The following ZNF646 variants were observed in gnomAD, a reference collection of about 807,000 sequenced individuals.
ZNF646 encodes the protein zinc finger protein 646.
Under a neutral mutation model 115.4 loss-of-function variants are expected in ZNF646, and 49 were observed. That is an observed-to-expected ratio of 0.42 (90% CI 0.34 to 0.54). The LOEUF (loss-of-function observed/expected upper bound fraction) is 0.54, where lower values mean the gene tolerates loss of function less well. ZNF646 is among the 20% of genes least tolerant of loss of function. The pLI, the probability that ZNF646 is intolerant of heterozygous loss-of-function variation, is 0.04. For synonymous variants in ZNF646, 933 were observed against 939.0 expected (o/e 0.99, Z 0.12); for missense variants, 2,269 against 2,457.9 (o/e 0.92, Z 1.62).
Position 31,079,756 on chromosome 16 carries a change from G to A in ZNF646, c.3432G>A (p.Pro1144=), listed in dbSNP as rs1284532416. 25 of 1,613,498 alleles carry A rather than the reference G, an allele frequency of 1.5e-5. No individual in the cohort carries two copies. The highest frequency in any genetic ancestry group is 5.5e-5 in the South Asian group (5 of 91,068). ...NKPQHMAEEG[P]GQAEVEKLQE... is the part of the protein sequence containing the mutation. Reference sequence around the variant, plus strand: ...CCCAGCACATGGCAGAGGAGGGGCCGGGGCAAGCAGAAGTCGAGAAGCTCC... The same window carrying A: ...CCCAGCACATGGCAGAGGAGGGGCCAGGGCAAGCAGAAGTCGAGAAGCTCC... The change falls in exon 2 of 3, where the codon CCG becomes CCA. Residue 1144 remains proline (P), a synonymous_variant. Transcript: ENST00000300850. This position sits in a 1 kb window ranked among gnomAD's most constrained non-coding sequence, Gnocchi z 5.5.
rs764114613 is a variant in ZNF646, at chr16:31,081,148, C to G, written c.4824C>G (p.Ala1608=). Residue 1608 remains alanine, a synonymous_variant, in exon 2 of 3, where the codon GCC becomes GCG. Transcript: ENST00000300850. The stretch of plus-strand genomic sequence containing the variant: ...TGGCCAGCCACCTGCAGGCTCATGC[C>G]CGGGGCCACAGCCAGGTGCCAGCCC... ...QELASHLQAH[A]RGHSQVPAQM... 1 of 1,602,426 alleles carries G rather than the reference C, an allele frequency of 6.2e-7. No individual in the cohort carries two copies. Among genetic ancestry groups the G allele is most frequent in the African/African-American group, 1.3e-5 (1 of 74,574 alleles).
In ZNF646 at chr16:31,076,710, A is replaced by G; in HGVS notation, c.386A>G (p.Gln129Arg). ...ACGGTGTCCACTGACTCCTGGGGCC[A>G]AAGGCTTGGCTCTAGTGAAGGCTGG... ...GETVSTDSWG[Q>R]RLGSSEGWEN... The change falls in exon 2 of 3, where the codon CAA becomes CGA. Residue 129 changes from glutamine (Q) to arginine (R), a missense_variant. By Grantham distance (43) the Gln-to-Arg change is conservative. This residue lies in a region of ZNF646 where 334 missense variants were observed against 323.5 expected (regional missense o/e 1.03). Transcript: ENST00000300850. The G allele has an allele frequency of 6.2e-7, 1 of 1,613,674 alleles. No homozygotes were observed. The highest frequency in any genetic ancestry group is 8.5e-7 in the Non-Finnish European group (1 of 1,180,026).
Position 31,081,116 on chromosome 16 carries a change from C to T in ZNF646, c.4792C>T (p.Gln1598Ter). ...PDCGKAFESH[Q>*]ELASHLQAHA... ...CTGTGGCAAAGCCTTTGAGTCCCAC[C>T]AGGAACTGGCCAGCCACCTGCAGGC... The change falls in exon 2 of 3, where the codon CAG becomes TAG. Residue 1598 changes from glutamine to a stop codon, truncating the protein, a stop_gained. Coordinates refer to ENST00000300850, the MANE Select transcript of ZNF646 (RefSeq NM_014699.4). LOFTEE classifies it high-confidence loss of function. 6.2e-7 allele frequency: 1 copy of T among 1,610,972 alleles called. No homozygotes were observed.
At position 31,076,397 on chromosome 16, in the gene ZNF646, C is replaced by G. The variant is rs531331358; in HGVS notation, c.73C>G (p.Arg25Gly). Residue 25 changes from arginine (R) to glycine (G), a missense_variant, in exon 2 of 3, where the codon CGG (arginine) becomes GGG (glycine). Arg to Gly is a moderately radical substitution (Grantham distance 125). Transcript: ENST00000300850. ...CTTTCCCAGCCTCCCAGAGCTCTCT[C>G]GGCACCGAGAACTGCTCCATCCATC... is the stretch of plus-strand genomic sequence containing the variant. ...RHFPSLPELS[R>G]HRELLHPSPN... 6 of 1,613,938 alleles carry G rather than the reference C, an allele frequency of 3.7e-6. No individual in the cohort carries two copies. The highest frequency in any genetic ancestry group is 1.1e-5 in the South Asian group (1 of 91,084).
Position 31,077,224 on chromosome 16 carries a change from C to T in ZNF646, c.900C>T (p.Pro300=). 1 of 1,614,146 alleles carries T rather than the reference C, an allele frequency of 6.2e-7. No individual in the cohort carries two copies. The highest frequency in any genetic ancestry group is 8.5e-7 in the Non-Finnish European group (1 of 1,180,024). ...GGCCTTACCACTGTCCCCACTGCCC[C>T]CGTGTCTTCCGGCTCCCCCGGGAGC... ...QYRPYHCPHC[P]RVFRLPRELL... is the part of the protein sequence containing the mutation. The change falls in exon 2 of 3, where the codon CCC becomes CCT. Residue 300 remains proline (P), a synonymous_variant. Transcript: ENST00000300850.
In ZNF646 at chr16:31,078,372, G is replaced by T; in HGVS notation, c.2048G>T (p.Gly683Val). Reference protein sequence around the residue: ...RHRKRAGGASGGREAKLLAAE... With the variant: ...RHRKRAGGASVGREAKLLAAE... ...CGGAAGCGGGCTGGCGGTGCCAGCG[G>T]TGGGAGAGAAGCCAAACTCCTGGCA... Residue 683 changes from glycine to valine, a missense_variant, in exon 2 of 3, where the codon GGT becomes GTT. Gly to Val is a moderately radical substitution (Grantham distance 109). Coordinates refer to ENST00000300850, the MANE Select transcript of ZNF646 (RefSeq NM_014699.4). The T allele has an allele frequency of 6.2e-7, 1 of 1,612,772 alleles. No individual in the cohort carries two copies. Among genetic ancestry groups the T allele is most frequent in the South Asian group, 1.1e-5 (1 of 91,016 alleles).
intron 2 of ZNF646, chr16:31,082,076 TC>T (rs1237979795): frequency 7.8e-6 from 3 of 386,532 alleles, no homozygotes; most frequent in Admixed American, 4.4e-5. Flanking sequence ...AGTAATGACT[TC>T]CAGAGAAAAA....
Position 31,083,830 on chromosome 16 carries a change from T to C in ZNF646, c.*738T>C, listed in dbSNP as rs776807301. 5.6e-6 allele frequency: 9 copies of C among 1,613,772 alleles called. No individual in the cohort carries two copies. The Admixed American group carries it at 1.3e-4, about 24-fold the overall frequency. On this transcript the variant is annotated 3_prime_UTR_variant, in exon 3 of 3. Coordinates refer to ENST00000300850, the MANE Select transcript of ZNF646 (RefSeq NM_014699.4). ...TTGGCCTGTGGGGAAGGAAGGAGGG[T>C]GGAGTTGTCCTCATCCTCACGGCTT...
intron 2 of ZNF646, chr16:31,082,306 T>C (rs1016642087): frequency 1.2e-5 from 2 of 173,074 alleles, no homozygotes; most frequent in Admixed American, 6.5e-5. Flanking sequence ...CCTGTCAGTG[T>C]TGCTCCCATC....
At chr16:31,075,455 G>A (rs1458043678) in intron 1 of ZNF646, among the ~76,000 whole-genome samples, 2 of 152,014 alleles carry the variant, frequency 1.3e-5, no homozygotes, top group East Asian at 1.9e-4. Flanking sequence ...CCACCACCAC[G>A]CCCGGCTAAT....
chr16:31,080,091 G>C lies in ZNF646; in HGVS notation c.3767G>C (p.Arg1256Pro), dbSNP rs377655292. The C allele has an allele frequency of 1.9e-6, 3 of 1,613,080 alleles. No individual in the cohort carries two copies. The highest frequency in any genetic ancestry group is 2.5e-6 in the Non-Finnish European group (3 of 1,179,858). ...KNHRRIHADP[R>P]RFRCSECGKA... ...CACCGGCGCATCCATGCAGATCCCCGACGTTTCCGCTGCAGCGAGTGTGGG... is the reference window on the plus strand; with the variant it reads ...CACCGGCGCATCCATGCAGATCCCCCACGTTTCCGCTGCAGCGAGTGTGGG... Residue 1256 changes from arginine to proline, a missense_variant, in exon 2 of 3, where the codon CGA (arginine) becomes CCA (proline). Physicochemically the swap from Arg to Pro is moderately radical, Grantham distance 103 (BLOSUM62 -2). Around this residue, in one of 5 missense-constraint regions of ZNF646, gnomAD observed 1,062 missense variants for 1,172.8 expected, o/e 0.91. Coordinates refer to ENST00000300850, the MANE Select transcript of ZNF646 (RefSeq NM_014699.4).
upstream of ZNF646, chr16:31,073,875 C>G (rs990546238): frequency 2.0e-5 from 3 of 152,184 alleles, no homozygotes; most frequent in African/African-American, 7.2e-5. Flanking sequence ...AAGCATCTTG[C>G]AAGAGGTCTC....
chr16:31,072,993 G>A (rs192749797), upstream of ZNF646: 3 of 152,384 alleles, frequency 2.0e-5, no homozygotes, highest in East Asian at 5.8e-4. Flanking sequence ...AGTAAAATGG[G>A]GTCCCTTAAG....
chr16:31,078,951 C>T lies in ZNF646; in HGVS notation c.2627C>T (p.Thr876Ile), dbSNP rs1366204280. 6.2e-7 allele frequency: 1 copy of T among 1,612,234 alleles called. No homozygotes were observed. Among genetic ancestry groups the T allele is most frequent in the African/African-American group, 1.3e-5 (1 of 74,926 alleles). ...HFQNHRPGEATSAQPFLCCLC... is the reference protein window; with the variant it reads ...HFQNHRPGEAISAQPFLCCLC... The stretch of plus-strand genomic sequence containing the variant: ...CAGAACCATAGGCCTGGGGAGGCGA[C>T]CTCAGCACAGCCTTTCCTCTGCTGC... Residue 876 changes from threonine to isoleucine, a missense_variant, in exon 2 of 3, where the codon ACC becomes ATC. Around this residue, in one of 5 missense-constraint regions of ZNF646, gnomAD observed 852 missense variants for 900.2 expected, o/e 0.95. Transcript: ENST00000300850.
rs149698279 is a variant in ZNF646, at chr16:31,076,441, G to A, written c.117G>A (p.Glu39=). Residue 39 remains glutamate, a synonymous_variant, in exon 2 of 3, where the codon GAG becomes GAA. Transcript: ENST00000300850. ...LLHPSPNQDS[E]EADSIPRPYR... The stretch of plus-strand genomic sequence containing the variant: ...ATCCATCTCCCAACCAGGACAGTGA[G>A]GAGGCTGACAGCATCCCTCGGCCCT... 12 of 1,613,944 alleles carry A rather than the reference G, an allele frequency of 7.4e-6. No homozygotes were observed. The South Asian group carries it at 9.9e-5, about 13-fold the overall frequency.
rs1567405620 is a variant in ZNF646 at position 31,076,638 on chromosome 16, A to T, written c.314A>T (p.His105Leu). ...RTHAPEGRRRHRPPRPKEATP... is the reference protein window; with the variant it reads ...RTHAPEGRRRLRPPRPKEATP... ...CATGCTCCTGAGGGCCGCCGCAGGC[A>T]CAGGCCCCCACGCCCCAAGGAAGCC... is the stretch of plus-strand genomic sequence containing the variant. Residue 105 changes from histidine to leucine, a missense_variant, in exon 2 of 3, where the codon CAC (histidine) becomes CTC (leucine). His to Leu is a moderately conservative substitution (Grantham distance 99, BLOSUM62 -3). This residue lies in a region of ZNF646 where 334 missense variants were observed against 323.5 expected (regional missense o/e 1.03). Transcript: ENST00000300850. The T allele has an allele frequency of 6.2e-7, 1 of 1,612,856 alleles. No individual in the cohort carries two copies. The highest frequency in any genetic ancestry group is 1.3e-5 in the African/African-American group (1 of 74,922).
rs1382218118 is a variant in ZNF646 at position 31,080,897 on chromosome 16, C to T, written c.4573C>T (p.Leu1525=). Residue 1525 remains leucine, a synonymous_variant, in exon 2 of 3, where the codon CTG becomes TTG. Coordinates refer to ENST00000300850, the MANE Select transcript of ZNF646 (RefSeq NM_014699.4). ...SWDNRDNSSQ[L]QPGSHSSCSQ... ...GGACAACAGAGACAACAGCTCTCAG[C>T]TGCAGCCAGGGAGCCACTCCTCTTG... 3 of 1,613,986 alleles carry T rather than the reference C, an allele frequency of 1.9e-6. No individual in the cohort carries two copies. The highest frequency in any genetic ancestry group is 1.7e-6 in the Non-Finnish European group (2 of 1,180,028).
intron 2 of ZNF646, 105 bp downstream of exon 2, chr16:31,081,806 G>A: frequency 4.9e-6 from 7 of 1,441,302 alleles, no homozygotes; most frequent in Non-Finnish European, 6.4e-6. Flanking sequence ...AGAGCCCCGG[G>A]GATTCTAAGA....
rs2057154167 is a variant in ZNF646, at chr16:31,081,254, G to A, written c.4930G>A (p.Ala1644Thr). The change falls in exon 2 of 3, where the codon GCC (alanine) becomes ACC (threonine). Residue 1644 changes from alanine (A) to threonine (T), a missense_variant. Transcript: ENST00000300850. ...CCCTGGTCAAGGGAAAGCCCAGGAG[G>A]CCCCATCAGAAACCCCCAGAGGCCC... Reference protein sequence around the residue: ...VLPGQGKAQEAPSETPRGPGE... With the variant: ...VLPGQGKAQETPSETPRGPGE... 1.9e-6 allele frequency: 3 copies of A among 1,602,386 alleles called. No homozygotes were observed. The highest frequency in any genetic ancestry group is 3.4e-5 in the Admixed American group (2 of 58,476).
Sources: gnomAD v4.1 joint callset for allele counts (sites outside exome capture counted in the v4.1 genomes callset) on GRCh38, gnomAD v4.1.1 for gene constraint, gnomAD v4.1.1 regional missense constraint, Gnocchi (gnomAD v3.1) non-coding constraint, MANE v1.5 for transcripts, NCBI Gene and HGNC (gene_info 2026-07-23, HGNC 2026-07-21) for gene names.